Variants in NFKB2 observed in about 807,000 individuals in gnomAD.
The protein encoded by NFKB2 is nuclear factor kappa B subunit 2.
In NFKB2, 21 loss-of-function variants were observed where a neutral mutation model predicts 109.3. The ratio of observed to expected loss-of-function variants is 0.19; its 90% CI spans 0.14 to 0.28. The LOEUF is 0.28. Ranked by LOEUF, NFKB2 falls within the 10% of genes least tolerant of loss-of-function variation. The pLI, the probability that NFKB2 is intolerant of heterozygous loss-of-function variation, is 1.00. For missense variants in NFKB2, 806 were observed against 1,185.3 expected, an observed-to-expected ratio of 0.68 and a Z score of 4.70; for synonymous variants, 478 against 489.9, an observed-to-expected ratio of 0.98 and a Z score of 0.32.
chr10:102,400,936 C>T lies in NFKB2; in HGVS notation c.1969-11C>T, dbSNP rs778440634. 26 of 1,609,728 alleles carry T rather than the reference C, an allele frequency of 1.6e-5. No homozygotes were observed. The Middle Eastern group carries it at 5.0e-4, about 31-fold the overall frequency. On this transcript the variant is annotated splice_polypyrimidine_tract_variant and intron_variant, in intron 17 of 22. Coordinates refer to ENST00000661543, the MANE Select transcript of NFKB2 (RefSeq NM_001322934.2). The surrounding 1 kb of genome is among the most constrained non-coding windows in gnomAD (Gnocchi z 6.3). ...TGCTGTGGTGTCAACTCTCGCTGCT[C>T]GCACCCCCAGCTCCGGGCCAACGTG...
chr10:102,399,899 C>CA (rs2061197555), intron 14 of NFKB2, 181 bp downstream of exon 14: 1 of 1,073,080 alleles, frequency 9.3e-7, no homozygotes, highest in African/African-American at 1.6e-5. Context: ...GCAAGGGGTA[C>CA]AGTCATAGCA....
Position 102,397,573 on chromosome 10 carries a change from G to T in NFKB2, c.549G>T (p.Lys183Asn), listed in dbSNP as rs367930950. 6.2e-7 allele frequency: 1 copy of T among 1,614,038 alleles called. No individual in the cohort carries two copies. The highest frequency in any genetic ancestry group is 8.5e-7 in the Non-Finnish European group (1 of 1,179,898). Reference sequence around the variant, plus strand: ...AGCAAGAGGCCAAAGAACTGAAGAAGGTGATGGATCTGAGTATAGTGCGGC... The same window carrying T: ...AGCAAGAGGCCAAAGAACTGAAGAATGTGATGGATCTGAGTATAGTGCGGC... The part of the protein sequence containing the change: ...ELEQEAKELK[K>N]VMDLSIVRLR... Residue 183 changes from lysine (K) to asparagine (N), a missense_variant, in exon 8 of 23, where the codon AAG (lysine) becomes AAT (asparagine). Physicochemically the swap from Lys to Asn is moderately conservative, Grantham distance 94. This residue lies in a region of NFKB2 where 62 missense variants were observed against 102.2 expected (regional missense o/e 0.61). Coordinates refer to ENST00000661543, the MANE Select transcript of NFKB2 (RefSeq NM_001322934.2). The surrounding 1 kb of genome is among the most constrained non-coding windows in gnomAD (Gnocchi z 4.7).
Position 102,399,708 on chromosome 10 carries a change from A to G in NFKB2, c.1459A>G (p.Asn487Asp). Reference sequence around the variant, plus strand: ...CCACCTGCTGACGGCGCAGGACGAGAACGGAGACACGTAGGCAACAGAGGG... The same window carrying G: ...CCACCTGCTGACGGCGCAGGACGAGGACGGAGACACGTAGGCAACAGAGGG... ...QRHLLTAQDENGDTPLHLAII... is the reference protein window; with the variant it reads ...QRHLLTAQDEDGDTPLHLAII... Residue 487 changes from asparagine (N) to aspartate (D), a missense_variant, in exon 14 of 23, where the codon AAC (asparagine) becomes GAC (aspartate). This residue lies in a region of NFKB2 where 163 missense variants were observed against 207.1 expected (regional missense o/e 0.79). Coordinates refer to ENST00000661543, the MANE Select transcript of NFKB2 (RefSeq NM_001322934.2). The G allele has an allele frequency of 1.3e-6, 2 of 1,489,744 alleles. No individual in the cohort carries two copies. Among genetic ancestry groups the G allele is most frequent in the East Asian group, 2.5e-5 (1 of 39,492 alleles). 92.3% of individuals were successfully genotyped at this position (1,489,744 alleles called of 1,614,324 possible).
chr10:102,401,695 C>A lies in NFKB2; in HGVS notation c.2294-50C>A. The A allele has an allele frequency of 6.4e-7, 1 of 1,560,672 alleles. No individual in the cohort carries two copies. Among genetic ancestry groups the A allele is most frequent in the South Asian group, 1.2e-5 (1 of 83,302 alleles). On this transcript the variant is annotated intron_variant, in intron 20 of 22. Transcript: ENST00000661543. The surrounding 1 kb of genome is among the most constrained non-coding windows in gnomAD (Gnocchi z 4.2). Reference sequence around the variant, plus strand: ...AGGCAGTGTTCAGGTGTCCATGTCCCCACCCAACTCTGGAGGTAAATGACA... The same window carrying A: ...AGGCAGTGTTCAGGTGTCCATGTCCACACCCAACTCTGGAGGTAAATGACA...
At chr10:102,399,979 GT>G in intron 14 of NFKB2, 100 bp from the exon 15 acceptor site, 2 of 1,285,332 alleles carry the variant, frequency 1.6e-6, no homozygotes, top group Non-Finnish European at 2.2e-6. Context: ...CACGTGCTGG[GT>G]TCCATGGGCC....
chr10:102,396,238 C>G lies in NFKB2; in HGVS notation c.22-15C>G, dbSNP rs772741852. The G allele has an allele frequency of 2.8e-5, 44 of 1,598,318 alleles. No individual in the cohort carries two copies. The highest frequency in any genetic ancestry group is 3.8e-5 in the Non-Finnish European group (44 of 1,167,522). On this transcript the variant is annotated splice_polypyrimidine_tract_variant and intron_variant, in intron 2 of 22. Coordinates refer to ENST00000661543, the MANE Select transcript of NFKB2 (RefSeq NM_001322934.2). This position sits in a 1 kb window ranked among gnomAD's most constrained non-coding sequence, Gnocchi z 5.9. ...CTGAGAGTCGGATGCCACCCCCAGTCTGTCTCCAAACCAGGGTCTGGATGG... is the reference window on the plus strand; with the variant it reads ...CTGAGAGTCGGATGCCACCCCCAGTGTGTCTCCAAACCAGGGTCTGGATGG...
At position 102,397,014 on chromosome 10, in the gene NFKB2, G is replaced by T; in HGVS notation, c.354G>T (p.Gly118=). 1 of 1,613,558 alleles carries T rather than the reference G, an allele frequency of 6.2e-7. No individual in the cohort carries two copies. Among genetic ancestry groups the T allele is most frequent in the East Asian group, 2.2e-5 (1 of 44,854 alleles). Residue 118 remains glycine (G), a synonymous_variant, in exon 6 of 23, where the codon GGG becomes GGT. Coordinates refer to ENST00000661543, the MANE Select transcript of NFKB2 (RefSeq NM_001322934.2). This position sits in a 1 kb window ranked among gnomAD's most constrained non-coding sequence, Gnocchi z 4.7. ...SLVGKQCSEL[G]ICAVSVGPKD... is the part of the protein sequence containing the mutation. ...TGGGCAAGCAATGCTCGGAGCTGGG[G>T]ATCTGCGCCGTTTCTGTGGGGCCCA...
Position 102,401,473 on chromosome 10 carries a change from G to A in NFKB2, c.2248G>A (p.Ala750Thr). The A allele has an allele frequency of 3.7e-6, 6 of 1,613,826 alleles. No individual in the cohort carries two copies. The highest frequency in any genetic ancestry group is 4.2e-6 in the Non-Finnish European group (5 of 1,179,970). Residue 750 changes from alanine to threonine, a missense_variant, in exon 20 of 23, where the codon GCT becomes ACT. By Grantham distance (58) the Ala-to-Thr change is moderately conservative (BLOSUM62 0). Transcript: ENST00000661543. This position sits in a 1 kb window ranked among gnomAD's most constrained non-coding sequence, Gnocchi z 4.2. ...GGTGAAGACCTTGCTGCTAAATGCTGCTCAGAACACCATGGAGCCACCCCT... is the reference window on the plus strand; with the variant it reads ...GGTGAAGACCTTGCTGCTAAATGCTACTCAGAACACCATGGAGCCACCCCT... ...TKVKTLLLNA[A>T]QNTMEPPLTP...
Position 102,401,582 on chromosome 10 carries a change from C to T in NFKB2, c.2293+64C>T. The T allele has an allele frequency of 6.3e-7, 1 of 1,578,602 alleles. No individual in the cohort carries two copies. The highest frequency in any genetic ancestry group is 8.7e-7 in the Non-Finnish European group (1 of 1,154,742). ...CTCCTCACAGAGGTCTCTTCTCCTT[C>T]AGGACCTCTGAAGGAGGCCTCCCTT... On this transcript the variant is annotated intron_variant, in intron 20 of 22. Coordinates refer to ENST00000661543, the MANE Select transcript of NFKB2 (RefSeq NM_001322934.2). This position sits in a 1 kb window ranked among gnomAD's most constrained non-coding sequence, Gnocchi z 4.2.
upstream of NFKB2, chr10:102,394,366 CCT>C (rs967281567): frequency 1.3e-5 from 2 of 152,354 alleles, no homozygotes; most frequent in Non-Finnish European, 2.9e-5. Context: ...GAGCCTGTCC[CCT>C]CTCAGGGGCG....
At position 102,401,631 on chromosome 10, in the gene NFKB2, C is replaced by T; in HGVS notation, c.2293+113C>T. ...TTTCTCTACCCTCAGCCCCGTCCAT[C>T]ACCCCTCATGGTCCTGTCTGTCGCT... On this transcript the variant is annotated intron_variant, in intron 20 of 22. Coordinates refer to ENST00000661543, the MANE Select transcript of NFKB2 (RefSeq NM_001322934.2). This position sits in a 1 kb window ranked among gnomAD's most constrained non-coding sequence, Gnocchi z 4.2. The T allele has an allele frequency of 1.3e-6, 2 of 1,522,960 alleles. No homozygotes were observed. The highest frequency in any genetic ancestry group is 1.4e-5 in the African/African-American group (1 of 73,142). The allele number at this position is 1,522,960 out of a possible 1,614,324, so 94.3% of individuals were successfully genotyped here. A position where few individuals can be genotyped will look rare whatever the true frequency, so the allele number is the denominator to read the frequency against.
chr10:102,396,845 G>T lies in NFKB2; in HGVS notation c.243+22G>T, dbSNP rs946441249. The T allele has an allele frequency of 1.9e-6, 3 of 1,605,832 alleles. No homozygotes were observed. Among genetic ancestry groups the T allele is most frequent in the African/African-American group, 2.7e-5 (2 of 74,750 alleles). ...CAAGGTGAGCCAGGATGGTGCTGGA[G>T]GGTGGGCTAAGTGGACAGCATGCCC... On this transcript the variant is annotated intron_variant, in intron 5 of 22. Transcript: ENST00000661543. This position sits in a 1 kb window ranked among gnomAD's most constrained non-coding sequence, Gnocchi z 5.9.
chr10:102,397,874 T>A lies in NFKB2; in HGVS notation c.662-107T>A. 1 of 1,304,988 alleles carries A rather than the reference T, an allele frequency of 7.7e-7. No individual in the cohort carries two copies. Among genetic ancestry groups the A allele is most frequent in the Non-Finnish European group, 1.1e-6 (1 of 917,156 alleles). 80.8% of individuals were successfully genotyped at this position (1,304,988 alleles called of 1,614,324 possible). ...TTAGTAAATGTGTATATTGGGTGTT[T>A]CCTGCAGCTCCAGGGGTTGCTGAGA... is the stretch of plus-strand genomic sequence containing the variant. On this transcript the variant is annotated intron_variant, in intron 8 of 22. Coordinates refer to ENST00000661543, the MANE Select transcript of NFKB2 (RefSeq NM_001322934.2). This position sits in a 1 kb window ranked among gnomAD's most constrained non-coding sequence, Gnocchi z 4.7.
chr10:102,398,038 T>C lies in NFKB2; in HGVS notation c.719T>C (p.Val240Ala). ...CGAATGGACAAGACAGCAGGCTCTG[T>C]GCGGGGTGGAGATGAAGTTTATCTG... ...ISRMDKTAGSVRGGDEVYLLC... is the reference protein window; with the variant it reads ...ISRMDKTAGSARGGDEVYLLC... Residue 240 changes from valine to alanine, a missense_variant, in exon 9 of 23, where the codon GTG becomes GCG. Around this residue, in one of 10 missense-constraint regions of NFKB2, gnomAD observed 64 missense variants for 177.4 expected, o/e 0.36. Coordinates refer to ENST00000661543, the MANE Select transcript of NFKB2 (RefSeq NM_001322934.2). The surrounding 1 kb of genome is among the most constrained non-coding windows in gnomAD (Gnocchi z 6.6). 1 of 1,614,116 alleles carries C rather than the reference T, an allele frequency of 6.2e-7. No individual in the cohort carries two copies. The highest frequency in any genetic ancestry group is 1.1e-5 in the South Asian group (1 of 91,076).
In NFKB2 at chr10:102,397,633, C is replaced by T. The variant is rs527467153; in HGVS notation, c.609C>T (p.Gly203=). Residue 203 remains glycine, a synonymous_variant, in exon 8 of 23, where the codon GGC becomes GGT. Transcript: ENST00000661543. This position sits in a 1 kb window ranked among gnomAD's most constrained non-coding sequence, Gnocchi z 4.7. ...RFSAFLRASD[G]SFSLPLKPVI... ...CTGCCTTCCTTAGAGCCAGTGATGGCTCCTTCTCCCTGCCCCTGAAGCCAG... is the reference window on the plus strand; with the variant it reads ...CTGCCTTCCTTAGAGCCAGTGATGGTTCCTTCTCCCTGCCCCTGAAGCCAG... The T allele has an allele frequency of 7.4e-6, 12 of 1,613,802 alleles. No homozygotes were observed. The highest frequency in any genetic ancestry group is 1.1e-5 in the South Asian group (1 of 91,084).
rs2061117300 is a variant in NFKB2 at position 102,396,512 on chromosome 10, G to A, written c.144+23G>A. ...CAGGTGAGTGAGCAAAAGGGAGGGT[G>A]TGGAATGGCTTCAGCTTTGGGGACA... On this transcript the variant is annotated intron_variant, in intron 4 of 22. Transcript: ENST00000661543. The surrounding 1 kb of genome is among the most constrained non-coding windows in gnomAD (Gnocchi z 5.9). 1.9e-6 allele frequency: 3 copies of A among 1,613,770 alleles called. No homozygotes were observed. Among genetic ancestry groups the A allele is most frequent in the Non-Finnish European group, 1.7e-6 (2 of 1,180,002 alleles).
rs762072593 is a variant in NFKB2, at chr10:102,397,495, G to A, written c.503-32G>A. ...TCATGGAAGGAGCAGGGAGGGAGAA[G>A]CCCAGGGGTCACACATGTACCTACT... On this transcript the variant is annotated intron_variant, in intron 7 of 22. Coordinates refer to ENST00000661543, the MANE Select transcript of NFKB2 (RefSeq NM_001322934.2). This position sits in a 1 kb window ranked among gnomAD's most constrained non-coding sequence, Gnocchi z 4.7. 2 of 1,609,258 alleles carry A rather than the reference G, an allele frequency of 1.2e-6. No individual in the cohort carries two copies. The highest frequency in any genetic ancestry group is 3.3e-5 in the Admixed American group (2 of 59,916).
In NFKB2 at chr10:102,401,356, T is replaced by C. The variant is rs765869555; in HGVS notation, c.2223+25T>C. 2.4e-5 allele frequency: 39 copies of C among 1,608,864 alleles called. No homozygotes were observed. Among genetic ancestry groups the C allele is most frequent in the African/African-American group, 2.7e-5 (2 of 74,790 alleles). ...GGTGAGGCCAGCCCGGGACTAGAAG[T>C]GCTCTGAGTGACGGGGTCCAGAGTA... On this transcript the variant is annotated intron_variant, in intron 19 of 22. Transcript: ENST00000661543. This position sits in a 1 kb window ranked among gnomAD's most constrained non-coding sequence, Gnocchi z 4.2.
chr10:102,402,485 G>A lies in NFKB2; in HGVS notation c.*109G>A, dbSNP rs983059170. On this transcript the variant is annotated 3_prime_UTR_variant, in exon 23 of 23. Coordinates refer to ENST00000661543, the MANE Select transcript of NFKB2 (RefSeq NM_001322934.2). ...CACCCCTCAGTTGGGACAAATAAAG[G>A]ATTCTCATGGGAAGGGGAGGACCCC... 6.2e-6 allele frequency: 4 copies of A among 644,442 alleles called. No homozygotes were observed. In the South Asian group the frequency reaches 8.8e-5, roughly 14 times the overall value. 39.9% of individuals were successfully genotyped at this position (644,442 alleles called of 1,614,324 possible).
Sources: allele counts gnomAD v4.1 joint callset, GRCh38; gene constraint gnomAD v4.1.1; regional missense constraint gnomAD v4.1.1; non-coding constraint Gnocchi (gnomAD v3.1); transcripts MANE v1.5; gene names NCBI Gene and HGNC (gene_info 2026-07-23, HGNC 2026-07-21).